ADAMTS3: variants seen among roughly 807,000 people sequenced by gnomAD.
ADAMTS3 encodes the protein A disintegrin and metalloproteinase with thrombospondin motifs 3.
Under a neutral mutation model 129.0 loss-of-function variants are expected in ADAMTS3, and 73 were observed. That is an observed-to-expected ratio of 0.57 (90% CI 0.47 to 0.69). The LOEUF (loss-of-function observed/expected upper bound fraction) is 0.69. Ranked by LOEUF, ADAMTS3 falls within the 30% of genes least tolerant of loss-of-function variation. ADAMTS3 has a pLI of 0.00. For synonymous variants in ADAMTS3, 477 were observed against 510.8 expected, an observed-to-expected ratio of 0.93 and a Z score of 0.89; for missense variants, 1,457 against 1,514.5, an observed-to-expected ratio of 0.96 and a Z score of 0.63.
intron 17 of ADAMTS3, among the ~76,000 whole-genome samples, chr4:72,302,358 A>G (rs756016027): frequency 2.0e-5 from 3 of 152,048 alleles, no homozygotes; most frequent in Non-Finnish European, 4.4e-5. Context: ...GCACCATCGG[A>G]TACGAAAAAT....
At chr4:72,392,009 G>A (rs1721607493) in intron 4 of ADAMTS3, among the ~76,000 whole-genome samples, 1 of 152,158 alleles carries the variant, frequency 6.6e-6, no homozygotes, top group Non-Finnish European at 1.5e-5. Context: ...TAAAAAATAT[G>A]TATGTTCCAG....
At chr4:72,492,836 T>C (rs1719781439) in intron 3 of ADAMTS3, among the ~76,000 whole-genome samples, 1 of 151,896 alleles carries the variant, frequency 6.6e-6, no homozygotes, top group Admixed American at 6.6e-5. Flanking sequence ...TTGCTGTCAA[T>C]TTCTGCCTTC....
At chr4:72,434,828 C>A (rs1185432704) in intron 3 of ADAMTS3, among the ~76,000 whole-genome samples, 2 of 151,786 alleles carry the variant, frequency 1.3e-5, no homozygotes. Flanking sequence ...CTTCCGCTGG[C>A]CTTGAAGAAG....
intron 3 of ADAMTS3, among the ~76,000 whole-genome samples, chr4:72,480,121 G>A (rs1353874183): frequency 6.6e-6 from 1 of 152,174 alleles, no homozygotes; most frequent in Admixed American, 6.5e-5. Flanking sequence ...TTCAACCATT[G>A]TGGAAGTCAG....
At chr4:72,530,750 T>C (rs1490764715) in intron 3 of ADAMTS3, among the ~76,000 whole-genome samples, 2 of 32,026 alleles carry the variant, frequency 6.2e-5, no homozygotes, top group African/African-American at 2.8e-4. Flanking sequence ...ATATATTATA[T>C]ATTATATATT....
intron 3 of ADAMTS3, among the ~76,000 whole-genome samples, chr4:72,425,449 A>G (rs573637964): frequency 1.3e-5 from 2 of 152,030 alleles, no homozygotes; most frequent in Admixed American, 1.3e-4. Context: ...TCGTCATTTA[A>G]CATTAGGTAT....
At position 72,363,232 on chromosome 4, in the gene ADAMTS3, A is replaced by T. The variant is rs558072095; in HGVS notation, c.662-23539T>A. ...ATATATACCGCTGATGATCCCCTAC[A>T]AGGAGATAGTATGGAAACATAACAC... On this transcript the variant is annotated intron_variant, in intron 4 of 21. Transcript: ENST00000286657. Among the ~76,000 whole-genome samples the T allele has an allele frequency of 5.3e-5, 8 of 152,278 alleles. 1 individual carries two copies. The South Asian group carries it at 1.7e-3, about 32-fold the overall frequency.
chr4:72,455,908 CTG>C (rs1440371863), intron 3 of ADAMTS3, among the ~76,000 whole-genome samples: 19 of 92,374 alleles, frequency 2.1e-4, no homozygotes, highest in African/African-American at 1.0e-3. Context: ...AGTATATACA[CTG>C]TATATATACT....
chr4:72,558,060 T>C (rs1018552010), intron 2 of ADAMTS3, among the ~76,000 whole-genome samples: 7 of 151,970 alleles, frequency 4.6e-5, no homozygotes, highest in African/African-American at 1.5e-4. Flanking sequence ...AGTATAGAAT[T>C]TGAAGCTATA....
At chr4:72,486,369 A>G (rs1719591603) in intron 3 of ADAMTS3, among the ~76,000 whole-genome samples, 1 of 152,184 alleles carries the variant, frequency 6.6e-6, no homozygotes, top group Non-Finnish European at 1.5e-5. Flanking sequence ...ATATTCATAT[A>G]CTTTACTCAT....
chr4:72,321,018 G>A, intron 6 of ADAMTS3, 148 bp from the exon 7 acceptor site: 2 of 782,366 alleles, frequency 2.6e-6, no homozygotes, highest in Non-Finnish European at 3.9e-6. Flanking sequence ...GCTTTGATTT[G>A]TGACTTCTAA....
chr4:72,433,708 A>C (rs1722751179), intron 3 of ADAMTS3, among the ~76,000 whole-genome samples: 1 of 151,966 alleles, frequency 6.6e-6, no homozygotes, highest in African/African-American at 2.4e-5. Flanking sequence ...TCTTAATGTC[A>C]TAATCTTGGT....
intron 3 of ADAMTS3, among the ~76,000 whole-genome samples, chr4:72,492,390 T>C (rs775738890): frequency 1.3e-5 from 2 of 151,656 alleles, no homozygotes; most frequent in Admixed American, 6.6e-5. Context: ...AGATTCCTCT[T>C]ATTAAAGCTT....
intron 4 of ADAMTS3, among the ~76,000 whole-genome samples, chr4:72,375,650 A>G (rs1385330022): frequency 1.3e-5 from 2 of 152,178 alleles, no homozygotes; most frequent in Admixed American, 1.3e-4. Context: ...AGGAATTTGC[A>G]TAGCAGGATA....
chr4:72,491,162 G>A (rs916483854), intron 3 of ADAMTS3, among the ~76,000 whole-genome samples: 9 of 151,610 alleles, frequency 5.9e-5, no homozygotes, highest in African/African-American at 1.9e-4. Context: ...TTGTTCTGTT[G>A]ATTTTTTATT....
At chr4:72,472,542 A>G (rs1719099954) in intron 3 of ADAMTS3, among the ~76,000 whole-genome samples, 2 of 152,100 alleles carry the variant, frequency 1.3e-5, no homozygotes, top group Non-Finnish European at 2.9e-5. Context: ...AGTCCATGTT[A>G]TGAATTGCTT....
chr4:72,510,737 T>C (rs2110033534), intron 3 of ADAMTS3, among the ~76,000 whole-genome samples: 1 of 150,762 alleles, frequency 6.6e-6, no homozygotes, highest in African/African-American at 2.4e-5. Flanking sequence ...CCAATAGATG[T>C]TATTCACAGA....
At chr4:72,548,289 C>T (rs766636427) in intron 3 of ADAMTS3, among the ~76,000 whole-genome samples, 189 bp downstream of exon 3, 3 of 151,942 alleles carry the variant, frequency 2.0e-5, no homozygotes, top group Non-Finnish European at 4.4e-5. Context: ...TTCCAAGAAA[C>T]AAAATTGTCA....
intron 3 of ADAMTS3, among the ~76,000 whole-genome samples, chr4:72,476,129 G>T (rs1719225293): frequency 6.6e-6 from 1 of 151,650 alleles, no homozygotes; most frequent in Non-Finnish European, 1.5e-5. Flanking sequence ...ATAATAAAGA[G>T]CTAAAATCAA....
Sources: gnomAD v4.1 joint callset for allele counts (sites outside exome capture counted in the v4.1 genomes callset) on GRCh38, gnomAD v4.1.1 for gene constraint, MANE v1.5 for transcripts, NCBI Gene and HGNC (gene_info 2026-07-23, HGNC 2026-07-21) for gene names.